SNTG1: variants seen among roughly 807,000 people sequenced by gnomAD.
SNTG1 encodes the protein gamma-1-syntrophin.
Under a neutral mutation model 74.7 loss-of-function variants are expected in SNTG1, and 39 were observed. The ratio of observed to expected loss-of-function variants is 0.52; its 90% CI spans 0.40 to 0.68. The LOEUF is 0.68. Among genes scored for constraint, SNTG1 ranks in the 30% least tolerant of loss-of-function variants. SNTG1 has a pLI of 0.00. For synonymous variants in SNTG1, 254 were observed against 217.1 expected (o/e 1.17, Z -1.49); for missense variants, 685 against 609.5 (o/e 1.12, Z -1.30).
At chr8:50,112,669 C>G (rs542133355) in intron 1 of SNTG1, among the ~76,000 whole-genome samples, 4 of 151,610 alleles carry the variant, frequency 2.6e-5, no homozygotes, top group African/African-American at 4.8e-5. Flanking sequence ...ATTACAGGCC[C>G]CTGCCACCAC....
chr8:50,279,471 T>C (rs1405480260), intron 2 of SNTG1, among the ~76,000 whole-genome samples: 1 of 152,184 alleles, frequency 6.6e-6, no homozygotes, highest in Non-Finnish European at 1.5e-5. Flanking sequence ...TAGAACAAAG[T>C]TTTTTCAACT....
intron 17 of SNTG1, among the ~76,000 whole-genome samples, chr8:50,709,781 T>C (rs999865632): frequency 3.0e-4 from 45 of 152,200 alleles, no homozygotes; most frequent in African/African-American, 8.7e-4. Context: ...TTCCCTCTCA[T>C]TGAGGATCTC....
At chr8:50,760,621 C>T (rs1393955855) in intron 18 of SNTG1, among the ~76,000 whole-genome samples, 1 of 151,302 alleles carries the variant, frequency 6.6e-6, no homozygotes, top group African/African-American at 2.4e-5. Context: ...ATGGATAGAC[C>T]TCTAGTCAGA....
chr8:50,085,143 A>G (rs999215287), intron 1 of SNTG1, among the ~76,000 whole-genome samples: 1 of 152,202 alleles, frequency 6.6e-6, no homozygotes, highest in Non-Finnish European at 1.5e-5. Context: ...GTAATTATGG[A>G]AGAATTTAGA....
At chr8:50,073,199 T>A (rs551998698) in intron 1 of SNTG1, among the ~76,000 whole-genome samples, 1 of 152,336 alleles carries the variant, frequency 6.6e-6, no homozygotes, top group South Asian at 2.1e-4. Context: ...TGTCACTAAT[T>A]ATCAAACAAG....
intron 2 of SNTG1, among the ~76,000 whole-genome samples, chr8:50,328,190 T>A (rs1404481272): frequency 6.6e-6 from 1 of 152,206 alleles, no homozygotes; most frequent in Non-Finnish European, 1.5e-5. Flanking sequence ...CTTAAGAACT[T>A]CTTTTAGCAT....
chr8:50,356,263 G>A (rs1029697152), intron 2 of SNTG1, among the ~76,000 whole-genome samples: 8 of 151,954 alleles, frequency 5.3e-5, no homozygotes, highest in Non-Finnish European at 4.4e-5. Context: ...AGCTTCCCAG[G>A]GAAGGGGTTC....
rs376799609 is a variant in SNTG1 at position 50,617,688 on chromosome 8, G to C, written c.849+26771G>C. Among the ~76,000 whole-genome samples, 14 of 152,318 alleles carry C rather than the reference G, an allele frequency of 9.2e-5. No individual in the cohort carries two copies. In the East Asian group the frequency reaches 1.9e-3, roughly 21 times the overall value. ...CCCTTTTAAGGGCTCACAACTCTAA[G>C]GGGTTCCCGTGAGAGGGTCGTGATC... is the stretch of plus-strand genomic sequence containing the variant. On this transcript the variant is annotated intron_variant, in intron 13 of 18. Transcript: ENST00000642720.
intron 2 of SNTG1, among the ~76,000 whole-genome samples, chr8:50,189,350 G>T (rs959534976): frequency 6.6e-6 from 1 of 151,950 alleles, no homozygotes; most frequent in African/African-American, 2.4e-5. Context: ...GGAATCACCT[G>T]GATATCTTGT....
At chr8:50,289,850 C>A (rs1022352797) in intron 2 of SNTG1, among the ~76,000 whole-genome samples, 2 of 152,114 alleles carry the variant, frequency 1.3e-5, no homozygotes, top group Non-Finnish European at 2.9e-5. Context: ...TAAGGTCCTC[C>A]ACCTTCCTTT....
chr8:50,003,525 A>G (rs1236972113), intron 1 of SNTG1, among the ~76,000 whole-genome samples: 1 of 152,196 alleles, frequency 6.6e-6, no homozygotes, highest in African/African-American at 2.4e-5. Flanking sequence ...ATTTAAGAAT[A>G]GAAGGCAATG....
At chr8:50,190,128 G>A in intron 2 of SNTG1, among the ~76,000 whole-genome samples, 1 of 152,110 alleles carries the variant, frequency 6.6e-6, no homozygotes, top group East Asian at 1.9e-4. Flanking sequence ...CTAGGCACTG[G>A]AATTCAAAGA....
chr8:50,127,506 A>G (rs1156259277), intron 1 of SNTG1, among the ~76,000 whole-genome samples: 1 of 152,082 alleles, frequency 6.6e-6, no homozygotes, highest in African/African-American at 2.4e-5. Flanking sequence ...AGGGACTGGA[A>G]CAGAAGTCTC....
At chr8:50,751,214 CAT>C in intron 17 of SNTG1, among the ~76,000 whole-genome samples, 1 of 151,946 alleles carries the variant, frequency 6.6e-6, no homozygotes, top group Non-Finnish European at 1.5e-5. Flanking sequence ...TTTGAACACA[CAT>C]ACACAATTTT....
At chr8:50,013,301 T>C (rs923059) in intron 1 of SNTG1, among the ~76,000 whole-genome samples, 144,949 of 152,160 alleles carry the variant, frequency 0.95, 69,120 homozygotes, top group East Asian at 1. Context: ...AAATAGCAAC[T>C]GGCAAAATAG....
intron 18 of SNTG1, among the ~76,000 whole-genome samples, chr8:50,784,007 A>G (rs1236842498): frequency 6.6e-6 from 1 of 152,190 alleles, no homozygotes; most frequent in Non-Finnish European, 1.5e-5. Flanking sequence ...GGAGAATGCC[A>G]TGTTGTTCTT....
At chr8:50,445,197 C>A (rs2093395589) in intron 5 of SNTG1, among the ~76,000 whole-genome samples, 2 of 152,154 alleles carry the variant, frequency 1.3e-5, no homozygotes. Flanking sequence ...ACGATAGCAT[C>A]CAGAAGGATG....
intron 13 of SNTG1, among the ~76,000 whole-genome samples, chr8:50,630,608 G>A (rs1352552460): frequency 6.6e-6 from 1 of 152,142 alleles, no homozygotes; most frequent in African/African-American, 2.4e-5. Context: ...GAAACACAAA[G>A]CACCTCCTCT....
chr8:50,465,208 T>C (rs976298893), intron 8 of SNTG1, among the ~76,000 whole-genome samples: 5 of 152,162 alleles, frequency 3.3e-5, no homozygotes, highest in Non-Finnish European at 7.4e-5. Context: ...TTCTAACAAA[T>C]GGTTATATTA....
Sources: gnomAD v4.1 joint callset for allele counts (sites outside exome capture counted in the v4.1 genomes callset) on GRCh38, gnomAD v4.1.1 for gene constraint, MANE v1.5 for transcripts, NCBI Gene and HGNC (gene_info 2026-07-23, HGNC 2026-07-21) for gene names.